WDR37: variants seen among roughly 807,000 people sequenced by gnomAD.
The protein encoded by WDR37 is WD repeat domain 37.
In WDR37, 19 loss-of-function variants were observed where a neutral mutation model predicts 62.9. The ratio of observed to expected loss-of-function variants is 0.30; its 90% CI spans 0.21 to 0.44. The LOEUF (loss-of-function observed/expected upper bound fraction) is 0.44. WDR37 is among the 20% of genes least tolerant of loss of function. WDR37 has a pLI of 1.00. For synonymous variants in WDR37, 250 were observed against 260.9 expected (o/e 0.96, Z 0.40); for missense variants, 474 against 657.6 (o/e 0.72, Z 3.05).
intron 12 of WDR37, 71 bp from the exon 13 acceptor site, chr10:1,124,839 A>G (rs2131694032): frequency 6.4e-7 from 1 of 1,566,894 alleles, no homozygotes; most frequent in South Asian, 1.2e-5. Flanking sequence ...CTCCTGCTTC[A>G]TTATCTGTCA....
intron 7 of WDR37, among the ~76,000 whole-genome samples, chr10:1,087,410 A>G (rs1172863328): frequency 6.6e-6 from 1 of 152,212 alleles, no homozygotes; most frequent in African/African-American, 2.4e-5. Flanking sequence ...TTTCCTCTTC[A>G]GAAACGTTAA....
rs529630428 is a variant in WDR37 at position 1,058,108 on chromosome 10, A to G, written c.-41+1140A>G. On this transcript the variant is annotated intron_variant, in intron 1 of 13. Coordinates refer to ENST00000263150, the MANE Select transcript of WDR37 (RefSeq NM_014023.4). ...ATATGAACTCACCAATGTGGAACAA[A>G]TGGAGTGATCTGTTATCCCCTGGGT... 2.3e-3 allele frequency among the ~76,000 whole-genome samples: 351 copies of G among 152,374 alleles called. 1 individual carries two copies. Among genetic ancestry groups the G allele is most frequent in the Non-Finnish European group, 3.9e-3 (267 of 68,038 alleles).
In WDR37 at chr10:1,105,260, C is replaced by G; in HGVS notation, c.1096C>G (p.His366Asp). 1 of 1,613,960 alleles carries G rather than the reference C, an allele frequency of 6.2e-7. No homozygotes were observed. Among genetic ancestry groups the G allele is most frequent in the Non-Finnish European group, 8.5e-7 (1 of 1,179,952 alleles). Reference sequence around the variant, plus strand: ...CCACTCGGTGAATGTTTTCCAGGGACACACGGAGTGAGTTGCGGTAGTTTA... The same window carrying G: ...CCACTCGGTGAATGTTTTCCAGGGAGACACGGAGTGAGTTGCGGTAGTTTA... ...SIHSVNVFQG[H>D]TDTVTSAVFT... is the part of the protein sequence containing the mutation. The change falls in exon 11 of 14, where the codon CAC (histidine) becomes GAC (aspartate). Residue 366 changes from histidine (H) to aspartate (D), a missense_variant. Physicochemically the swap from His to Asp is moderately conservative, Grantham distance 81. Coordinates refer to ENST00000263150, the MANE Select transcript of WDR37 (RefSeq NM_014023.4). The surrounding 1 kb of genome is among the most constrained non-coding windows in gnomAD (Gnocchi z 5.3).
At chr10:1,082,529 A>G (rs528316733) in intron 5 of WDR37, among the ~76,000 whole-genome samples, 45 of 152,356 alleles carry the variant, frequency 3.0e-4, no homozygotes, top group African/African-American at 1.1e-3. Context: ...GCCGCAGTTC[A>G]AACGATCTGG....
At chr10:1,110,493 A>G (rs574631746) in intron 11 of WDR37, among the ~76,000 whole-genome samples, 3 of 152,206 alleles carry the variant, frequency 2.0e-5, no homozygotes, top group South Asian at 2.1e-4. Context: ...GATCCTTACA[A>G]ATGTGTAGAG....
chr10:1,128,355 G>T (rs1331211444), intron 13 of WDR37, among the ~76,000 whole-genome samples: 2 of 152,228 alleles, frequency 1.3e-5, no homozygotes, highest in African/African-American at 4.8e-5. Flanking sequence ...TCTAAGTGTT[G>T]GCTAAGAGCC....
chr10:1,114,892 G>A (rs767852850), intron 11 of WDR37, among the ~76,000 whole-genome samples: 3 of 152,226 alleles, frequency 2.0e-5, no homozygotes, highest in Non-Finnish European at 2.9e-5. Context: ...TGTGCAGACC[G>A]TGGGTGAATA....
In WDR37 at chr10:1,105,081, G is replaced by A. The variant is rs1228080630; in HGVS notation, c.962-45G>A. 14 of 1,604,442 alleles carry A rather than the reference G, an allele frequency of 8.7e-6. No homozygotes were observed. The East Asian group carries it at 1.1e-4, about 13-fold the overall frequency. On this transcript the variant is annotated intron_variant, in intron 10 of 13. Coordinates refer to ENST00000263150, the MANE Select transcript of WDR37 (RefSeq NM_014023.4). The surrounding 1 kb of genome is among the most constrained non-coding windows in gnomAD (Gnocchi z 5.3). ...GCTGTTGAAAAGCGTCTCTCTCAGC[G>A]TGCTCCTCAGGTGATGACCTTGTGT...
At chr10:1,080,145 T>C in intron 4 of WDR37, 39 bp downstream of exon 4, 2 of 1,603,708 alleles carry the variant, frequency 1.2e-6, no homozygotes, top group African/African-American at 1.3e-5. Context: ...CTGCAGATTA[T>C]ACATGCAGGA....
At chr10:1,061,468 A>T (rs934701052) in intron 1 of WDR37, among the ~76,000 whole-genome samples, 10 of 152,148 alleles carry the variant, frequency 6.6e-5, no homozygotes, top group Non-Finnish European at 1.5e-5. Flanking sequence ...TCCACACCTT[A>T]CCTTGTGACA....
intron 13 of WDR37, among the ~76,000 whole-genome samples, chr10:1,128,282 G>A (rs770213086): frequency 2.0e-5 from 3 of 152,210 alleles, no homozygotes; most frequent in East Asian, 1.9e-4. Context: ...TAACAGCAAC[G>A]TATCAGAGCT....
At chr10:1,082,826 G>A (rs573439174) in intron 5 of WDR37, among the ~76,000 whole-genome samples, 8 of 144,740 alleles carry the variant, frequency 5.5e-5, no homozygotes, top group African/African-American at 2.0e-4. Context: ...CCTCTGGGAA[G>A]GAGCCACTCT....
chr10:1,057,697 C>T (rs754822420), intron 1 of WDR37, among the ~76,000 whole-genome samples: 1 of 152,118 alleles, frequency 6.6e-6, no homozygotes, highest in East Asian at 1.9e-4. Context: ...ATACATTTTT[C>T]CAGGTTGTGA....
chr10:1,097,773 C>T (rs887584822), intron 9 of WDR37, among the ~76,000 whole-genome samples: 1 of 152,122 alleles, frequency 6.6e-6, no homozygotes, highest in Non-Finnish European at 1.5e-5. Context: ...TGCTTGGGCC[C>T]CACCACCCTT....
chr10:1,074,137 A>G (rs1833799987), intron 2 of WDR37, among the ~76,000 whole-genome samples: 1 of 152,228 alleles, frequency 6.6e-6, no homozygotes. Flanking sequence ...ACATAGTCAG[A>G]TGTGGCAAGT....
chr10:1,066,530 A>G (rs1055043817), intron 1 of WDR37, among the ~76,000 whole-genome samples: 1 of 152,210 alleles, frequency 6.6e-6, no homozygotes. Flanking sequence ...TTCTCCCCAG[A>G]TTGATGTACA....
chr10:1,115,495 A>G (rs1030957027), intron 11 of WDR37, among the ~76,000 whole-genome samples: 1 of 152,218 alleles, frequency 6.6e-6, no homozygotes. Flanking sequence ...ACAGTTTTGC[A>G]GCTTGTGTCA....
chr10:1,072,433 G>A, intron 2 of WDR37, 140 bp downstream of exon 2: 1 of 1,184,092 alleles, frequency 8.4e-7, no homozygotes, highest in South Asian at 1.5e-5. Context: ...TCCTGCCTCA[G>A]CCTACTGAGT....
intron 7 of WDR37, among the ~76,000 whole-genome samples, chr10:1,090,644 A>G (rs1174959107): frequency 6.6e-6 from 1 of 152,130 alleles, no homozygotes; most frequent in Non-Finnish European, 1.5e-5. Flanking sequence ...AGGAGAGGAA[A>G]ATGGGTGAGG....
Sources: gnomAD v4.1 joint callset for allele counts (sites outside exome capture counted in the v4.1 genomes callset) on GRCh38, gnomAD v4.1.1 for gene constraint, Gnocchi (gnomAD v3.1) non-coding constraint, MANE v1.5 for transcripts, NCBI Gene and HGNC (gene_info 2026-07-23, HGNC 2026-07-21) for gene names.